Variants in TRARG1 observed in about 807,000 individuals in gnomAD.
TRARG1 encodes trafficking regulator of GLUT4 1.
Under a neutral mutation model 13.3 loss-of-function variants are expected in TRARG1, and 16 were observed. The observed-to-expected ratio is 1.20, with a 90% CI of 0.81 to 1.83. The LOEUF (loss-of-function observed/expected upper bound fraction) is 1.83, where lower values mean the gene tolerates loss of function less well. Among genes scored for constraint, TRARG1 ranks in the 40% most tolerant of loss-of-function variants. TRARG1 has a pLI of 0.00. For missense variants in TRARG1, 250 were observed against 237.4 expected, an observed-to-expected ratio of 1.05 and a Z score of -0.35; for synonymous variants, 113 against 106.2, an observed-to-expected ratio of 1.06 and a Z score of -0.39.
At chr17:1,294,143 G>A (rs951207218) in intron 1 of TRARG1, among the ~76,000 whole-genome samples, 3 of 151,992 alleles carry the variant, frequency 2.0e-5, no homozygotes, top group South Asian at 2.1e-4. Flanking sequence ...GGACTCCTGC[G>A]TGTGCCTGTT....
intron 1 of TRARG1, among the ~76,000 whole-genome samples, chr17:1,285,824 AG>A (rs1235262616): frequency 2.0e-5 from 3 of 151,818 alleles, no homozygotes; most frequent in African/African-American, 7.3e-5. Context: ...GGGAGGGCCG[AG>A]GGGAGTGGAC....
At chr17:1,280,872 C>T (rs926666287) in intron 1 of TRARG1, among the ~76,000 whole-genome samples, 1 of 152,206 alleles carries the variant, frequency 6.6e-6, no homozygotes, top group Non-Finnish European at 1.5e-5. Flanking sequence ...AGAGTCGCAG[C>T]GGCTTCCCTG....
chr17:1,283,833 GC>G (rs2072000774), intron 1 of TRARG1, among the ~76,000 whole-genome samples: 1 of 148,458 alleles, frequency 6.7e-6, no homozygotes, highest in South Asian at 2.2e-4. Context: ...AAAATAAAGG[GC>G]CGGGAGTGGT....
chr17:1,283,838 G>T (rs996836906), intron 1 of TRARG1, among the ~76,000 whole-genome samples: 3 of 148,106 alleles, frequency 2.0e-5, no homozygotes, highest in African/African-American at 7.5e-5. Context: ...AAAGGGCCGG[G>T]AGTGGTGGTC....
At chr17:1,283,351 C>T (rs988293677) in intron 1 of TRARG1, among the ~76,000 whole-genome samples, 2 of 152,020 alleles carry the variant, frequency 1.3e-5, no homozygotes, top group African/African-American at 4.8e-5. Flanking sequence ...TAAGTGGCAG[C>T]GGGGAGCCTC....
At position 1,298,234 on chromosome 17, in the gene TRARG1, G is replaced by GC; in HGVS notation, c.521-17_521-16insC. ...TTCTGAGCCCTGTTCTGCCATATCTGTTTTTTTTCTTTACAGTTCAGAAGA... is the reference window on the plus strand; with the variant it reads ...TTCTGAGCCCTGTTCTGCCATATCTGCTTTTTTTTCTTTACAGTTCAGAAGA... On this transcript the variant is annotated splice_polypyrimidine_tract_variant and intron_variant, in intron 2 of 2. Transcript: ENST00000333813. 6.2e-7 allele frequency: 1 copy of GC among 1,613,234 alleles called. No individual in the cohort carries two copies. Among genetic ancestry groups the GC allele is most frequent in the Non-Finnish European group, 8.5e-7 (1 of 1,179,502 alleles).
chr17:1,284,892 G>C (rs1040010337), intron 1 of TRARG1, among the ~76,000 whole-genome samples: 4 of 151,970 alleles, frequency 2.6e-5, no homozygotes, highest in Non-Finnish European at 5.9e-5. Context: ...GTGTTAGCCA[G>C]GATGGTCTCG....
intron 1 of TRARG1, among the ~76,000 whole-genome samples, chr17:1,294,466 G>GTTTTT (rs2072096197): frequency 5.4e-5 from 4 of 73,892 alleles, no homozygotes; most frequent in Admixed American, 1.7e-4. Context: ...TGAAGACAGT[G>GTTTTT]TCTTTTTTTT....
At position 1,280,037 on chromosome 17, in the gene TRARG1, A is replaced by C. The variant is rs1431378779; in HGVS notation, c.36A>C (p.Ala12=). ...AHPVQSEFPS[A]QEPGSAAFLD... is the part of the protein sequence containing the mutation. ...CGGTGCAGTCCGAGTTTCCTTCAGC[A>C]CAGGAGCCAGGCTCCGCCGCATTCC... Residue 12 remains alanine (A), a synonymous_variant, in exon 1 of 3, where the codon GCA becomes GCC. Transcript: ENST00000333813. The C allele has an allele frequency of 6.2e-7, 1 of 1,613,120 alleles. No homozygotes were observed. Among genetic ancestry groups the C allele is most frequent in the African/African-American group, 1.3e-5 (1 of 74,950 alleles).
In TRARG1 at chr17:1,300,449, T is replaced by TAC. The variant is rs10625360; in HGVS notation, c.*2208_*2209dup. On this transcript the variant is annotated 3_prime_UTR_variant, in exon 3 of 3. Transcript: ENST00000333813. Reference sequence around the variant, plus strand: ...ACAAATAGGCTCTGCCGTGCACTCCTACACACACACACACACACACACACG... The same window carrying TAC: ...ACAAATAGGCTCTGCCGTGCACTCCTACACACACACACACACACACACACACG... 0.27 allele frequency: 40,796 copies of TAC among 149,470 alleles called. 6,083 individuals are homozygous for TAC. The highest frequency in any genetic ancestry group is 0.43 in the South Asian group (2,038 of 4,706). The allele number at this position is 149,470 out of a possible 1,614,324, so 9.3% of individuals were successfully genotyped here.
chr17:1,290,162 C>T lies in TRARG1; in HGVS notation c.388-5329C>T, dbSNP rs138703049. ...TTTGAAACTGTCTGCTCTCAATCTCCACCCCGTACTCTACACAGTAGTCAG... is the reference window on the plus strand; with the variant it reads ...TTTGAAACTGTCTGCTCTCAATCTCTACCCCGTACTCTACACAGTAGTCAG... On this transcript the variant is annotated intron_variant, in intron 1 of 2. Transcript: ENST00000333813. 3.9e-5 allele frequency among the ~76,000 whole-genome samples: 6 copies of T among 152,158 alleles called. No individual in the cohort carries two copies. The East Asian group carries it at 1.2e-3, about 29-fold the overall frequency.
At chr17:1,288,411 C>T (rs2072040542) in intron 1 of TRARG1, among the ~76,000 whole-genome samples, 1 of 122,934 alleles carries the variant, frequency 8.1e-6, no homozygotes, top group Non-Finnish European at 1.7e-5. Flanking sequence ...GTTCCCCAAC[C>T]CCCACAGGTT....
intron 1 of TRARG1, among the ~76,000 whole-genome samples, chr17:1,283,805 T>C (rs2072000172): frequency 2.1e-5 from 2 of 93,034 alleles, no homozygotes; most frequent in African/African-American, 8.0e-5. Flanking sequence ...TGAGATTCTA[T>C]CTCAAAAAAA....
intron 1 of TRARG1, among the ~76,000 whole-genome samples, chr17:1,284,114 CAA>C (rs747664490): frequency 8.0e-6 from 1 of 124,244 alleles, no homozygotes. Flanking sequence ...GATTCTGTCT[CAA>C]AAAAAAAAAG....
rs552049549 is a variant in TRARG1 at position 1,279,899 on chromosome 17, C to T, written c.-103C>T. 1.1e-5 allele frequency: 15 copies of T among 1,400,264 alleles called. No homozygotes were observed. Among genetic ancestry groups the T allele is most frequent in the East Asian group, 7.1e-5 (3 of 42,432 alleles). The allele number at this position is 1,400,264 out of a possible 1,614,324, so 86.7% of individuals were successfully genotyped here. On this transcript the variant is annotated 5_prime_UTR_variant, in exon 1 of 3. Transcript: ENST00000333813. ...GTCTCCTGAGGGACGCCCCTGCCCC[C>T]GACCTGGAGGCCCTCAGTCTGGGCT... is the stretch of plus-strand genomic sequence containing the variant.
intron 1 of TRARG1, among the ~76,000 whole-genome samples, chr17:1,292,634 C>T (rs1005304374): frequency 6.6e-6 from 1 of 152,250 alleles, no homozygotes; most frequent in Non-Finnish European, 1.5e-5. Flanking sequence ...GCTGTTATCT[C>T]TGCCTGGGAT....
intron 2 of TRARG1, among the ~76,000 whole-genome samples, chr17:1,296,633 T>C (rs1173835759): frequency 6.6e-6 from 1 of 151,828 alleles, no homozygotes; most frequent in Non-Finnish European, 1.5e-5. Context: ...TGTCTCAGCC[T>C]CTCGAGTAGC....
intron 1 of TRARG1, among the ~76,000 whole-genome samples, chr17:1,283,422 CAT>C (rs1259528137): frequency 6.6e-6 from 1 of 152,172 alleles, no homozygotes; most frequent in Non-Finnish European, 1.5e-5. Context: ...ATATAACTCA[CAT>C]ACCATATGAT....
chr17:1,285,113 C>G (rs1160785953), intron 1 of TRARG1, among the ~76,000 whole-genome samples: 1 of 151,822 alleles, frequency 6.6e-6, no homozygotes, highest in African/African-American at 2.4e-5. Flanking sequence ...CAGGGACTTG[C>G]TTAGGAATTT....
Sources: allele counts gnomAD v4.1 joint callset (sites outside exome capture counted in the v4.1 genomes callset), GRCh38; gene constraint gnomAD v4.1.1; transcripts MANE v1.5; gene names NCBI Gene and HGNC (gene_info 2026-07-23, HGNC 2026-07-21).